NVL: variants seen among roughly 807,000 people sequenced by gnomAD.
The protein encoded by NVL is nuclear VCP like.
NVL carries 84 observed loss-of-function variants against 110.2 expected under a neutral mutation model. The observed-to-expected ratio is 0.76, with a 90% CI of 0.64 to 0.91. The LOEUF (loss-of-function observed/expected upper bound fraction) is 0.91, where lower values mean the gene tolerates loss of function less well. Ranked by LOEUF, NVL falls within the 40% of genes least tolerant of loss-of-function variation. NVL has a pLI of 0.00. For missense variants in NVL, 882 were observed against 1,035.9 expected (o/e 0.85, Z 2.04); for synonymous variants, 354 against 361.1 (o/e 0.98, Z 0.22).
chr1:224,305,495 AAG>A (rs1273774267), intron 6 of NVL: 3 of 188,318 alleles, frequency 1.6e-5, no homozygotes, highest in Non-Finnish European at 3.2e-5. Flanking sequence ...AAAAAAAAAA[AAG>A]AAAAAAGAAA....
chr1:224,229,442 T>A (rs866755545), intron 22 of NVL, among the ~76,000 whole-genome samples: 17 of 149,930 alleles, frequency 1.1e-4, no homozygotes, highest in South Asian at 6.3e-4. Context: ...TAAAAAAAAA[T>A]TTTTTTTTTT....
chr1:224,275,587 A>G, intron 16 of NVL, 129 bp from the exon 17 acceptor site: 2 of 1,168,822 alleles, frequency 1.7e-6, no homozygotes, highest in East Asian at 5.0e-5. Flanking sequence ...ATCAGAATGA[A>G]CCATATACAA....
chr1:224,300,553 C>T lies in NVL; in HGVS notation c.1062+9G>A. The T allele has an allele frequency of 6.2e-7, 1 of 1,600,434 alleles. No homozygotes were observed. The highest frequency in any genetic ancestry group is 1.1e-5 in the South Asian group (1 of 90,568). On this transcript the variant is annotated intron_variant, in intron 10 of 22. Coordinates refer to ENST00000281701, the MANE Select transcript of NVL (RefSeq NM_002533.4). ...CTGACCACCTGGCATTAGTCATTAACTGACTCACCACAGCTTGCTCAAATA... is the reference window on the plus strand; with the variant it reads ...CTGACCACCTGGCATTAGTCATTAATTGACTCACCACAGCTTGCTCAAATA...
chr1:224,287,307 C>T (rs1043359751), intron 14 of NVL, among the ~76,000 whole-genome samples: 5 of 151,464 alleles, frequency 3.3e-5, no homozygotes, highest in Non-Finnish European at 4.4e-5. Context: ...AGTTGGTTAA[C>T]GGGTAAAAAA....
intron 12 of NVL, among the ~76,000 whole-genome samples, chr1:224,292,221 T>C (rs1405158943): frequency 6.6e-6 from 1 of 152,130 alleles, no homozygotes; most frequent in African/African-American, 2.4e-5. Context: ...CTGGGCAACA[T>C]AGTGAGACCC....
intron 19 of NVL, among the ~76,000 whole-genome samples, chr1:224,242,487 CTT>C (rs11385074): frequency 2.3e-5 from 3 of 128,316 alleles, no homozygotes; most frequent in Admixed American, 8.8e-5. Context: ...CAAATCTATT[CTT>C]TTTTTTTTTT....
intron 13 of NVL, among the ~76,000 whole-genome samples, chr1:224,288,881 C>G: frequency 6.6e-6 from 1 of 152,114 alleles, no homozygotes; most frequent in South Asian, 2.1e-4. Flanking sequence ...AATTTAATAC[C>G]GATCTTGGAC....
chr1:224,308,332 T>A (rs1476466056), intron 5 of NVL, 69 bp from the exon 6 acceptor site: 5 of 1,377,838 alleles, frequency 3.6e-6, no homozygotes, highest in Non-Finnish European at 4.9e-6. Flanking sequence ...TTGTATTGCC[T>A]ATAGTAATAA....
At chr1:224,274,159 C>T (rs569729117) in intron 17 of NVL, among the ~76,000 whole-genome samples, 25 of 152,006 alleles carry the variant, frequency 1.6e-4, no homozygotes, top group East Asian at 1.9e-4. Flanking sequence ...GGTGCGGTGG[C>T]GGGCGCCTGT....
Position 224,303,826 on chromosome 1 carries a change from T to G in NVL, c.857A>C (p.His286Pro), listed in dbSNP as rs751101050. 6.2e-7 allele frequency: 1 copy of G among 1,613,690 alleles called. No individual in the cohort carries two copies. ...EVCKMLIHMR[H>P]PEVYHHLGVV... ...GCCCAGGTGGTGGTACACCTCCGGG[T>G]GACGCATGTGTATGAGCATCTTGCA... Residue 286 changes from histidine to proline, a missense_variant, in exon 9 of 23, where the codon CAC becomes CCC. Transcript: ENST00000281701.
At chr1:224,234,351 C>A (rs188916014) in intron 20 of NVL, among the ~76,000 whole-genome samples, 1 of 152,014 alleles carries the variant, frequency 6.6e-6, no homozygotes, top group East Asian at 1.9e-4. Flanking sequence ...CTATGATTCA[C>A]AAGTCTTGGA....
Position 224,305,157 on chromosome 1 carries a change from C to G in NVL, c.625G>C (p.Asp209His). The G allele has an allele frequency of 6.2e-7, 1 of 1,603,120 alleles. No homozygotes were observed. The highest frequency in any genetic ancestry group is 8.5e-7 in the Non-Finnish European group (1 of 1,177,536). Residue 209 changes from aspartate to histidine, a missense_variant, in exon 7 of 23, where the codon GAT (aspartate) becomes CAT (histidine). Asp to His is a moderately conservative substitution (Grantham distance 81). Transcript: ENST00000281701. ...KPITEIQDSK[D>H]SSLLESDMKR... Reference sequence around the variant, plus strand: ...ATATCACTCTCCAAAAGAGAAGAATCTTTTGAATCCTGGAAAGAAAATAAA... The same window carrying G: ...ATATCACTCTCCAAAAGAGAAGAATGTTTTGAATCCTGGAAAGAAAATAAA...
At chr1:224,290,331 C>T (rs1045841302) in intron 12 of NVL, among the ~76,000 whole-genome samples, 6 of 152,154 alleles carry the variant, frequency 3.9e-5, no homozygotes, top group Non-Finnish European at 7.4e-5. Flanking sequence ...TCTGATAAGA[C>T]CTACTGAATA....
intron 15 of NVL, 28 bp downstream of exon 15, chr1:224,285,998 A>G: frequency 1.3e-6 from 2 of 1,506,218 alleles, no homozygotes; most frequent in Non-Finnish European, 1.8e-6. Context: ...TAAGAAATAA[A>G]TTACATGCAA....
intron 18 of NVL, among the ~76,000 whole-genome samples, chr1:224,254,182 C>A (rs1453632275): frequency 6.6e-6 from 1 of 151,928 alleles, no homozygotes; most frequent in African/African-American, 2.4e-5. Context: ...ACCTCTGCCT[C>A]CCGGGTTCAA....
intron 12 of NVL, 99 bp from the exon 13 acceptor site, chr1:224,289,832 G>A: frequency 9.2e-7 from 1 of 1,092,734 alleles, no homozygotes; most frequent in South Asian, 1.6e-5. Flanking sequence ...TCTGCCAAAG[G>A]TATCAAAATG....
rs1406165211 is a variant in NVL, at chr1:224,287,793, C to A, written c.1776G>T (p.Glu592Asp). The A allele has an allele frequency of 3.7e-6, 6 of 1,613,926 alleles. No individual in the cohort carries two copies. The highest frequency in any genetic ancestry group is 5.1e-6 in the Non-Finnish European group (6 of 1,179,934). ...DIGALEDIRE[E>D]LTMAILAPVR... is the part of the protein sequence containing the mutation. ...TACCTACCAATATTGCCATGGTGAG[C>A]TCCTCTCTAATGTCTTCCAGGGCAC... The change falls in exon 14 of 23, where the codon GAG becomes GAT. Residue 592 changes from glutamate to aspartate, a missense_variant. By Grantham distance (45) the Glu-to-Asp change is conservative (BLOSUM62 2). Coordinates refer to ENST00000281701, the MANE Select transcript of NVL (RefSeq NM_002533.4).
intron 11 of NVL, among the ~76,000 whole-genome samples, chr1:224,295,279 G>A (rs1230971445): frequency 1.3e-5 from 2 of 151,814 alleles, no homozygotes; most frequent in East Asian, 1.9e-4. Flanking sequence ...GGCAAGCTCT[G>A]CCTCCCAGGT....
intron 19 of NVL, among the ~76,000 whole-genome samples, chr1:224,240,717 A>G (rs974095864): frequency 6.6e-6 from 1 of 152,086 alleles, no homozygotes; most frequent in Non-Finnish European, 1.5e-5. Flanking sequence ...AATTCTTAGA[A>G]GATTAAACCT....
Sources: allele counts gnomAD v4.1 joint callset (sites outside exome capture counted in the v4.1 genomes callset), GRCh38; gene constraint gnomAD v4.1.1; transcripts MANE v1.5; gene names NCBI Gene and HGNC (gene_info 2026-07-23, HGNC 2026-07-21).